The following PCDHGA6 variants were observed in gnomAD, a reference collection of about 807,000 sequenced individuals.
PCDHGA6 encodes the protein protocadherin gamma-A6.
PCDHGA6 carries 41 observed loss-of-function variants against 60.6 expected under a neutral mutation model. The observed-to-expected ratio is 0.68, with a 90% CI of 0.53 to 0.88. The LOEUF (loss-of-function observed/expected upper bound fraction) is 0.88, where lower values mean the gene tolerates loss of function less well. Among genes scored for constraint, PCDHGA6 ranks in the 40% least tolerant of loss-of-function variants. The pLI is 0.00. For synonymous variants in PCDHGA6, 594 were observed against 524.4 expected (o/e 1.13, Z -1.81); for missense variants, 1,312 against 1,203.0 (o/e 1.09, Z -1.34).
chr5:141,394,705 C>T lies in PCDHGA6; in HGVS notation c.2424+18198C>T, dbSNP rs1245348426. 6.2e-7 allele frequency: 1 copy of T among 1,613,256 alleles called. No individual in the cohort carries two copies. The highest frequency in any genetic ancestry group is 1.7e-5 in the Admixed American group (1 of 60,012). ...ACGGGCGAGGTGCGCACGGCGCGAG[C>T]CCTGCTGGACAGAGATGCGCTCAAG... On this transcript the variant is annotated intron_variant, in intron 1 of 3. Coordinates refer to ENST00000517434, the MANE Select transcript of PCDHGA6 (RefSeq NM_018919.3).
At chr5:141,498,971 G>GGGAGGGAAGGAAGGAA (rs2099787588) in intron 2 of PCDHGA6, among the ~76,000 whole-genome samples, 1 of 110,970 alleles carries the variant, frequency 9.0e-6, no homozygotes, top group African/African-American at 3.6e-5. Flanking sequence ...GAGGGAGGGA[G>GGGAGGGAAGGAAGGAA]GGAAGGAAGG....
intron 1 of PCDHGA6, among the ~76,000 whole-genome samples, chr5:141,443,781 C>CA (rs1227271563): frequency 8.6e-5 from 13 of 150,636 alleles, no homozygotes; most frequent in South Asian, 2.1e-4. Flanking sequence ...ACCAAAAAGA[C>CA]AAAAAAAATG....
intron 1 of PCDHGA6, among the ~76,000 whole-genome samples, chr5:141,379,889 CTTTTTTTTTTTT>C (rs70988800): frequency 3.0e-4 from 15 of 50,832 alleles, no homozygotes; most frequent in South Asian, 9.2e-4. Flanking sequence ...GTGAAAGCCT[CTTTTTTTTTTTT>C]TTTTTTTTTT....
chr5:141,491,884 G>C lies in PCDHGA6; in HGVS notation c.2425-2923G>C, dbSNP rs745931108. 5.0e-5 allele frequency: 73 copies of C among 1,446,372 alleles called. No homozygotes were observed. The highest frequency in any genetic ancestry group is 6.3e-5 in the Non-Finnish European group (69 of 1,094,334). The allele number at this position is 1,446,372 out of a possible 1,614,324, so 89.6% of individuals were successfully genotyped here. A position where few individuals can be genotyped will look rare whatever the true frequency, so the allele number is the denominator to read the frequency against. On this transcript the variant is annotated intron_variant, in intron 1 of 3. Coordinates refer to ENST00000517434, the MANE Select transcript of PCDHGA6 (RefSeq NM_018919.3). The surrounding 1 kb of genome is among the most constrained non-coding windows in gnomAD (Gnocchi z 6.9). The stretch of plus-strand genomic sequence containing the variant: ...AACCAGAGTGGCCGATTAAGGGATG[G>C]GGCTCCGAGCACCGGGGGTGGTGGC...
In PCDHGA6 at chr5:141,380,519, G is replaced by C. The variant is rs564373516; in HGVS notation, c.2424+4012G>C. 2.0e-5 allele frequency among the ~76,000 whole-genome samples: 3 copies of C among 152,234 alleles called. No homozygotes were observed. In the East Asian group the frequency reaches 5.8e-4, roughly 29 times the overall value. ...CAATAATATACACTCTTTAAACTATGAAATGATTTCAATTTGATACAATGA... is the reference window on the plus strand; with the variant it reads ...CAATAATATACACTCTTTAAACTATCAAATGATTTCAATTTGATACAATGA... On this transcript the variant is annotated intron_variant, in intron 1 of 3. Transcript: ENST00000517434.
chr5:141,487,348 C>T lies in PCDHGA6; in HGVS notation c.2425-7459C>T, dbSNP rs929693998. ...GTGGGGCAGCCTGTGGAGTCACATG[C>T]TTTCCTGCTGGCACCTGTGCCTGTC... On this transcript the variant is annotated intron_variant, in intron 1 of 3. Coordinates refer to ENST00000517434, the MANE Select transcript of PCDHGA6 (RefSeq NM_018919.3). The surrounding 1 kb of genome is among the most constrained non-coding windows in gnomAD (Gnocchi z 5.0). The T allele has an allele frequency of 2.5e-6, 4 of 1,614,080 alleles. No homozygotes were observed. The highest frequency in any genetic ancestry group is 2.2e-5 in the East Asian group (1 of 44,882).
At chr5:141,376,832 G>T (rs1773425503) in intron 1 of PCDHGA6, 2 of 257,250 alleles carry the variant, frequency 7.8e-6, no homozygotes, top group Non-Finnish European at 1.5e-5. Context: ...GACTACAGGC[G>T]CCCGCCACCG....
chr5:141,422,513 G>T, intron 1 of PCDHGA6: 2 of 1,614,000 alleles, frequency 1.2e-6, no homozygotes, highest in Non-Finnish European at 1.7e-6. Context: ...ACAGACCAGG[G>T]AAGCCCGCCT....
Position 141,432,108 on chromosome 5 carries a change from C to T in PCDHGA6, c.2424+55601C>T, listed in dbSNP as rs1432933024. The T allele has an allele frequency of 1.9e-6, 3 of 1,614,180 alleles. No homozygotes were observed. The highest frequency in any genetic ancestry group is 1.7e-5 in the Admixed American group (1 of 60,020). Reference sequence around the variant, plus strand: ...GTGGCAGACACCAACGACAACCCGCCGGTCTTCCCTCAGGCCTCCTATTCC... The same window carrying T: ...GTGGCAGACACCAACGACAACCCGCTGGTCTTCCCTCAGGCCTCCTATTCC... On this transcript the variant is annotated intron_variant, in intron 1 of 3. Coordinates refer to ENST00000517434, the MANE Select transcript of PCDHGA6 (RefSeq NM_018919.3). The surrounding 1 kb of genome is among the most constrained non-coding windows in gnomAD (Gnocchi z 6.0).
At position 141,414,317 on chromosome 5, in the gene PCDHGA6, AG is replaced by A. The variant is rs757847465; in HGVS notation, c.2424+37811del. On this transcript the variant is annotated intron_variant, in intron 1 of 3. Transcript: ENST00000517434. The stretch of plus-strand genomic sequence containing the variant: ...TTAAATGTGCATGATTTAGACTCTG[AG>A]CAGAATGGACAGGTAACCTGTTCCA... The A allele has an allele frequency of 1.9e-6, 3 of 1,613,828 alleles. No individual in the cohort carries two copies. In the South Asian group the frequency reaches 3.3e-5, roughly 18 times the overall value.
At chr5:141,460,368 G>A (rs1005554535) in intron 1 of PCDHGA6, among the ~76,000 whole-genome samples, 1 of 152,050 alleles carries the variant, frequency 6.6e-6, no homozygotes. Context: ...AAGTTTTATA[G>A]TTTTACCATT....
intron 1 of PCDHGA6, chr5:141,428,912 T>C (rs1010303812): frequency 6.6e-6 from 1 of 151,946 alleles, no homozygotes; most frequent in Non-Finnish European, 1.5e-5. Context: ...TGGAGTGCAG[T>C]GGCATGATCT....
chr5:141,410,945 C>A, intron 1 of PCDHGA6: 1 of 192,458 alleles, frequency 5.2e-6, no homozygotes, highest in Non-Finnish European at 1.0e-5. Context: ...CCTCCGCCTT[C>A]TGGGTTCAAG....
At chr5:141,389,573 C>T (rs778800357) in intron 1 of PCDHGA6, 2 of 1,613,242 alleles carry the variant, frequency 1.2e-6, no homozygotes, top group African/African-American at 1.3e-5. Flanking sequence ...TGCTGTACCC[C>T]GCGCTGGGTC....
intron 1 of PCDHGA6, among the ~76,000 whole-genome samples, chr5:141,402,640 T>G (rs1180615388): frequency 1.3e-5 from 2 of 152,232 alleles, no homozygotes; most frequent in East Asian, 3.8e-4. Flanking sequence ...TCTAAAATCA[T>G]AATTAGAAGA....
chr5:141,393,458 G>A (rs181214352), intron 1 of PCDHGA6: 5 of 1,614,020 alleles, frequency 3.1e-6, no homozygotes, highest in African/African-American at 2.7e-5. Context: ...TCACGGCCTC[G>A]GATGGCGGCA....
intron 1 of PCDHGA6, chr5:141,399,649 G>T: frequency 1.2e-6 from 2 of 1,613,794 alleles, no homozygotes; most frequent in African/African-American, 1.3e-5. Flanking sequence ...CGCGCAAAGT[G>T]GGGTGGTGTT....
At chr5:141,500,876 A>G (rs909126749) in intron 2 of PCDHGA6, among the ~76,000 whole-genome samples, 1 of 124,952 alleles carries the variant, frequency 8.0e-6, no homozygotes, top group African/African-American at 3.5e-5. Flanking sequence ...ATTCATTTAC[A>G]ATTTTTTTTT....
At chr5:141,378,339 A>G (rs62378424) in intron 1 of PCDHGA6, 5,525 of 152,288 alleles carry the variant, frequency 0.036, 122 homozygotes, top group Middle Eastern at 0.092. Flanking sequence ...CCTGACCAAC[A>G]TGGTGAAACC....
Sources: gnomAD v4.1 joint callset for allele counts (sites outside exome capture counted in the v4.1 genomes callset) on GRCh38, gnomAD v4.1.1 for gene constraint, Gnocchi (gnomAD v3.1) non-coding constraint, MANE v1.5 for transcripts, NCBI Gene and HGNC (gene_info 2026-07-23, HGNC 2026-07-21) for gene names.